RBM43: variants seen among roughly 807,000 people sequenced by gnomAD.
The protein encoded by RBM43 is RNA-binding protein 43.
A neutral mutation model predicts 12.4 loss-of-function variants in RBM43; 12 were observed. That is an observed-to-expected ratio of 0.97 (90% CI 0.62 to 1.57). The LOEUF (loss-of-function observed/expected upper bound fraction) is 1.57, where lower values mean the gene tolerates loss of function less well. Ranked by LOEUF, RBM43 falls within the 40% of genes most tolerant of loss-of-function variation. The pLI, the probability that RBM43 is intolerant of heterozygous loss-of-function variation, is 0.00. For synonymous variants in RBM43, 138 were observed against 145.7 expected, an observed-to-expected ratio of 0.95 and a Z score of 0.38; for missense variants, 348 against 400.1, an observed-to-expected ratio of 0.87 and a Z score of 1.11.
At chr2:151,261,603 G>C (rs1683048032) in intron 1 of RBM43, 122 bp downstream of exon 1, 1 of 1,536,798 alleles carries the variant, frequency 6.5e-7, no homozygotes, top group Non-Finnish European at 8.8e-7. Context: ...TCCGTGCGCC[G>C]CCCCCTCCCG....
intron 1 of RBM43, chr2:151,261,308 A>G: frequency 1.3e-6 from 2 of 1,550,644 alleles, no homozygotes; most frequent in Non-Finnish European, 1.7e-6. Context: ...ATTTCTGGCT[A>G]ATCAGGCCAC....
chr2:151,259,959 G>A lies in RBM43; in HGVS notation c.3+1766C>T, dbSNP rs535552770. 4.7e-4 allele frequency among the ~76,000 whole-genome samples: 72 copies of A among 151,812 alleles called. 1 individual carries two copies. The highest frequency in any genetic ancestry group is 1.6e-3 in the African/African-American group (68 of 41,416). The stretch of plus-strand genomic sequence containing the variant: ...TGGCTCACTGCAACCTCCACCTCCC[G>A]GGTTCAAGCGATTCTCCTGCCCCAG... On this transcript the variant is annotated intron_variant, in intron 1 of 3. Transcript: ENST00000331426.
At position 151,261,429 on chromosome 2, in the gene RBM43, T is replaced by C. The variant is rs1325156282; in HGVS notation, c.3+296A>G. 1.2e-5 allele frequency: 18 copies of C among 1,550,352 alleles called. No homozygotes were observed. In the South Asian group the frequency reaches 1.9e-4, roughly 16 times the overall value. On this transcript the variant is annotated intron_variant, in intron 1 of 3. Coordinates refer to ENST00000331426, the MANE Select transcript of RBM43 (RefSeq NM_198557.3). Reference sequence around the variant, plus strand: ...TCGCCTGGGCAGTGGGTGTGGGAGGTGACAGCCTAGTCCTGAGCCTCTGGA... The same window carrying C: ...TCGCCTGGGCAGTGGGTGTGGGAGGCGACAGCCTAGTCCTGAGCCTCTGGA...
intron 2 of RBM43, among the ~76,000 whole-genome samples, chr2:151,254,900 T>C (rs944008975): frequency 6.6e-6 from 1 of 152,212 alleles, no homozygotes; most frequent in African/African-American, 2.4e-5. Context: ...TGAGATTATA[T>C]ATCATCTTTG....
chr2:151,258,879 A>G (rs1468270442), intron 1 of RBM43, among the ~76,000 whole-genome samples: 1 of 152,202 alleles, frequency 6.6e-6, no homozygotes. Context: ...ACGGTGGCTC[A>G]CACCTGTAAT....
chr2:151,260,516 T>C (rs111473672), intron 1 of RBM43, among the ~76,000 whole-genome samples: 3 of 152,256 alleles, frequency 2.0e-5, no homozygotes, highest in Non-Finnish European at 4.4e-5. Flanking sequence ...TTCGAATGTC[T>C]ACTGGTAATT....
chr2:151,253,970 A>G (rs1393041426), intron 2 of RBM43, among the ~76,000 whole-genome samples: 2 of 152,140 alleles, frequency 1.3e-5, no homozygotes, highest in African/African-American at 4.8e-5. Flanking sequence ...TAAACAGAGC[A>G]TTTCCCTTCC....
chr2:151,253,225 C>T lies in RBM43; in HGVS notation c.215-370G>A, dbSNP rs76092061. Among the ~76,000 whole-genome samples, 1,152 of 152,276 alleles carry T rather than the reference C, an allele frequency of 7.6e-3. 22 individuals are homozygous for T. The highest frequency in any genetic ancestry group is 0.027 in the African/African-American group (1,103 of 41,554). ...CTGGCTGACCTGCTGAGTCTCCTTC[C>T]TAATCCTCCTCTCTTCCCATTCTCT... On this transcript the variant is annotated intron_variant, in intron 2 of 3. Coordinates refer to ENST00000331426, the MANE Select transcript of RBM43 (RefSeq NM_198557.3).
rs942076640 is a variant in RBM43 at position 151,261,259 on chromosome 2, GTTC to G, written c.3+463_3+465del. On this transcript the variant is annotated intron_variant, in intron 1 of 3. Coordinates refer to ENST00000331426, the MANE Select transcript of RBM43 (RefSeq NM_198557.3). ...CTGACTTGCGTCCTTGGCTCGAATC[GTTC>G]TTATTAGCCCTTTTCAAAAGGCAGC... 66 of 1,547,218 alleles carry G rather than the reference GTTC, an allele frequency of 4.3e-5. No individual in the cohort carries two copies. In the Admixed American group the frequency reaches 1.3e-3, roughly 30 times the overall value.
intron 3 of RBM43, among the ~76,000 whole-genome samples, chr2:151,252,524 A>G (rs1051378299): frequency 2.6e-5 from 4 of 152,188 alleles, no homozygotes; most frequent in Non-Finnish European, 5.9e-5. Context: ...CAAAAAATAT[A>G]CACTTTGTAA....
Position 151,251,094 on chromosome 2 carries a change from A to G in RBM43, c.886T>C (p.Phe296Leu). The change falls in exon 4 of 4, where the codon TTT becomes CTT. Residue 296 changes from phenylalanine (F) to leucine (L), a missense_variant. Coordinates refer to ENST00000331426, the MANE Select transcript of RBM43 (RefSeq NM_198557.3). ...CTATTTTCCTTTCCTTCCAAAATAA[A>G]TGTCTCTTTTCTAAGCTTTAAGTAA... ...ALYLKLRKET[F>L]ILEGKENREK... 1 of 1,613,764 alleles carries G rather than the reference A, an allele frequency of 6.2e-7. No homozygotes were observed. The highest frequency in any genetic ancestry group is 8.5e-7 in the Non-Finnish European group (1 of 1,179,810).
At chr2:151,259,632 C>T (rs986147259) in intron 1 of RBM43, among the ~76,000 whole-genome samples, 1 of 151,602 alleles carries the variant, frequency 6.6e-6, no homozygotes, top group Admixed American at 6.6e-5. Flanking sequence ...GAGTGAGACT[C>T]TGTCTCAAAA....
rs1050802870 is a variant in RBM43, at chr2:151,250,307, G to A, written c.*599C>T. 1 of 152,052 alleles carries A rather than the reference G, an allele frequency of 6.6e-6. No individual in the cohort carries two copies. The highest frequency in any genetic ancestry group is 2.4e-5 in the African/African-American group (1 of 41,394). 9.4% of individuals were successfully genotyped at this position (152,052 alleles called of 1,614,324 possible). ...AGAAAGTAAGATTCCTTCAAAGTTT[G>A]GTGAGTTTGCTGGGCGCAGTGGCTC... On this transcript the variant is annotated 3_prime_UTR_variant, in exon 4 of 4. Coordinates refer to ENST00000331426, the MANE Select transcript of RBM43 (RefSeq NM_198557.3).
intron 1 of RBM43, 91 bp downstream of exon 1, chr2:151,261,634 C>G: frequency 1.3e-6 from 2 of 1,552,342 alleles, no homozygotes; most frequent in South Asian, 1.2e-5. Context: ...CACCCTGGCC[C>G]GTCGCGCCCG....
At chr2:151,260,908 G>C in intron 1 of RBM43, 1 of 273,850 alleles carries the variant, frequency 3.7e-6, no homozygotes, top group Non-Finnish European at 7.2e-6. Flanking sequence ...CATCTTATCA[G>C]AAAGCAAAAA....
intron 1 of RBM43, among the ~76,000 whole-genome samples, chr2:151,256,065 G>T (rs996985278): frequency 6.6e-6 from 1 of 152,060 alleles, no homozygotes; most frequent in African/African-American, 2.4e-5. Context: ...AGGTTCAAGC[G>T]ATTCTCCTGC....
intron 1 of RBM43, among the ~76,000 whole-genome samples, chr2:151,258,310 C>T (rs1168560591): frequency 6.7e-6 from 1 of 150,364 alleles, no homozygotes; most frequent in Non-Finnish European, 1.5e-5. Flanking sequence ...CAAGATTGGA[C>T]ATGCACATAA....
rs1682867621 is a variant in RBM43, at chr2:151,249,573, TG to T, written c.*1332del. 2 of 152,204 alleles carry T rather than the reference TG, an allele frequency of 1.3e-5. No homozygotes were observed. The highest frequency in any genetic ancestry group is 4.1e-4 in the South Asian group (2 of 4,822). 9.4% of individuals were successfully genotyped at this position (152,204 alleles called of 1,614,324 possible). A position where few individuals can be genotyped will look rare whatever the true frequency, so the allele number is the denominator to read the frequency against. On this transcript the variant is annotated 3_prime_UTR_variant, in exon 4 of 4. Transcript: ENST00000331426. The stretch of plus-strand genomic sequence containing the variant: ...CTAATTTTTGTATTTTTAGTAGAGA[TG>T]GGGTTTTACCATGTTAGCCAGGATG...
At position 151,261,763 on chromosome 2, in the gene RBM43, A is replaced by G. The variant is rs779055701; in HGVS notation, c.-36T>C. On this transcript the variant is annotated 5_prime_UTR_variant, in exon 1 of 4. Transcript: ENST00000331426. ...AGACGCGCCCTCAGCGGCCGCAGAA[A>G]GCCCACAACCAGCGGAACGCAGGCG... The G allele has an allele frequency of 8.4e-5, 134 of 1,595,724 alleles. No individual in the cohort carries two copies. Among genetic ancestry groups the G allele is most frequent in the Non-Finnish European group, 1.1e-4 (128 of 1,171,722 alleles).
Sources: gnomAD v4.1 joint callset for allele counts (sites outside exome capture counted in the v4.1 genomes callset) on GRCh38, gnomAD v4.1.1 for gene constraint, MANE v1.5 for transcripts, NCBI Gene and HGNC (gene_info 2026-07-23, HGNC 2026-07-21) for gene names.